ANO10: variants seen among roughly 807,000 people sequenced by gnomAD.
ANO10 encodes the protein anoctamin 10, also known as anoctamin-10.
Under a neutral mutation model 74.7 loss-of-function variants are expected in ANO10, and 77 were observed. That is an observed-to-expected ratio of 1.03 (90% confidence interval 0.86 to 1.25). The LOEUF (loss-of-function observed/expected upper bound fraction) is 1.25. Ranked by LOEUF, ANO10 falls within the 50% of genes most tolerant of loss-of-function variation. The pLI is 0.00. For missense variants in ANO10, 721 were observed against 778.1 expected (o/e 0.93, Z 0.87); for synonymous variants, 279 against 284.9 (o/e 0.98, Z 0.21).
At chr3:43,509,662 C>G (rs1028015592) in intron 11 of ANO10, among the ~76,000 whole-genome samples, 1 of 152,170 alleles carries the variant, frequency 6.6e-6, no homozygotes, top group Non-Finnish European at 1.5e-5. Context: ...ACTCAACATG[C>G]AATTACCATT....
At chr3:43,660,463 T>C (rs1359645908) in intron 1 of ANO10, among the ~76,000 whole-genome samples, 1 of 151,936 alleles carries the variant, frequency 6.6e-6, no homozygotes, top group Non-Finnish European at 1.5e-5. Flanking sequence ...CAAGCTTCAA[T>C]AGCCTATTCG....
chr3:43,435,093 C>T (rs2093047203), intron 11 of ANO10, among the ~76,000 whole-genome samples: 1 of 152,138 alleles, frequency 6.6e-6, no homozygotes, highest in Non-Finnish European at 1.5e-5. Flanking sequence ...TTACATATGC[C>T]CTGCCACGCT....
intron 4 of ANO10, among the ~76,000 whole-genome samples, chr3:43,589,431 A>G (rs1029329162): frequency 3.9e-5 from 6 of 152,130 alleles, no homozygotes; most frequent in Non-Finnish European, 8.8e-5. Context: ...TCACACCTGT[A>G]ATCCCAGCAC....
At chr3:43,588,037 C>T (rs2081556553) in intron 4 of ANO10, among the ~76,000 whole-genome samples, 1 of 152,174 alleles carries the variant, frequency 6.6e-6, no homozygotes, top group East Asian at 1.9e-4. Flanking sequence ...AAACCTAATC[C>T]ACAAACAAAC....
At chr3:43,380,453 A>G (rs1273720323) in intron 12 of ANO10, among the ~76,000 whole-genome samples, 2 of 152,200 alleles carry the variant, frequency 1.3e-5, no homozygotes, top group Non-Finnish European at 1.5e-5. Flanking sequence ...GTAACCTACA[A>G]AGGAACCTAT....
At chr3:43,420,503 CAAAG>C (rs1179112483) in intron 12 of ANO10, among the ~76,000 whole-genome samples, 5 of 150,052 alleles carry the variant, frequency 3.3e-5, no homozygotes, top group Non-Finnish European at 7.4e-5. Context: ...AGGAAAAAGA[CAAAG>C]AAAAAGAAAA....
In ANO10 at chr3:43,519,570, T is replaced by C. The variant is rs528046794; in HGVS notation, c.1797+30150A>G. Among the ~76,000 whole-genome samples the C allele has an allele frequency of 1.9e-4, 29 of 152,274 alleles. No homozygotes were observed. In the South Asian group the frequency reaches 5.6e-3, roughly 29 times the overall value. On this transcript the variant is annotated intron_variant, in intron 11 of 12. Coordinates refer to ENST00000292246, the MANE Select transcript of ANO10 (RefSeq NM_018075.5). ...AATCTAATTCATACATTTGGTTTCA[T>C]TTGGAGCCATTACTTGTTTGCTTGT... is the stretch of plus-strand genomic sequence containing the variant.
intron 1 of ANO10, among the ~76,000 whole-genome samples, chr3:43,617,146 C>T (rs1045346117): frequency 6.9e-5 from 10 of 144,260 alleles, no homozygotes; most frequent in African/African-American, 2.3e-4. Context: ...TGGGAACTTG[C>T]TCTACCATTA....
intron 12 of ANO10, among the ~76,000 whole-genome samples, chr3:43,397,878 A>T (rs2092411588): frequency 1.3e-5 from 2 of 152,084 alleles, no homozygotes; most frequent in South Asian, 4.2e-4. Context: ...ACTGTCCTTC[A>T]CTGCCTGATG....
intron 12 of ANO10, among the ~76,000 whole-genome samples, chr3:43,375,753 C>T (rs1261281322): frequency 2.6e-5 from 4 of 152,106 alleles, no homozygotes; most frequent in African/African-American, 7.2e-5. Flanking sequence ...AGCAACAGGA[C>T]AGTTTATTCC....
chr3:43,555,258 T>C lies in ANO10; in HGVS notation c.1668+20A>G. 7 of 1,611,420 alleles carry C rather than the reference T, an allele frequency of 4.3e-6. No homozygotes were observed. Among genetic ancestry groups the C allele is most frequent in the Non-Finnish European group, 5.9e-6 (7 of 1,177,596 alleles). ...GTATTTTTATTTTTTAAAGGAATAA[T>C]TTTTTTCTCAAACAATTACCTGCCA... On this transcript the variant is annotated intron_variant, in intron 10 of 12. Transcript: ENST00000292246.
intron 1 of ANO10, among the ~76,000 whole-genome samples, chr3:43,664,311 G>A (rs548442494): frequency 1.8e-4 from 27 of 152,234 alleles, no homozygotes; most frequent in African/African-American, 5.8e-4. Context: ...GTGGTGTTGG[G>A]AAAACTGGCT....
At chr3:43,548,056 A>C (rs544719974) in intron 11 of ANO10, among the ~76,000 whole-genome samples, 1 of 152,322 alleles carries the variant, frequency 6.6e-6, no homozygotes, top group Non-Finnish European at 1.5e-5. Flanking sequence ...TTTACCAAGA[A>C]ATCTTCTAAT....
At chr3:43,540,130 T>C (rs777512955) in intron 11 of ANO10, among the ~76,000 whole-genome samples, 3 of 152,232 alleles carry the variant, frequency 2.0e-5, no homozygotes, top group East Asian at 1.9e-4. Flanking sequence ...GATGACACAA[T>C]TGGGGCCAAT....
At position 43,583,237 on chromosome 3, in the gene ANO10, G is replaced by GT. The variant is rs1352383345; in HGVS notation, c.473-2766_473-2765insA. 6.0e-5 allele frequency among the ~76,000 whole-genome samples: 9 copies of GT among 151,198 alleles called. No homozygotes were observed. The East Asian group carries it at 7.8e-4, about 13-fold the overall frequency. ...TTCTAAAAATAGAAGTTTGCTTTTT[G>GT]GTTTTTTTTTTTTAATCCTTCAAAC... is the stretch of plus-strand genomic sequence containing the variant. On this transcript the variant is annotated intron_variant, in intron 4 of 12. Transcript: ENST00000292246.
At chr3:43,686,262 C>A (rs2084273410) in intron 1 of ANO10, among the ~76,000 whole-genome samples, 1 of 152,134 alleles carries the variant, frequency 6.6e-6, no homozygotes, top group African/African-American at 2.4e-5. Context: ...TAGAAGGGAC[C>A]TCAAGAATTG....
At chr3:43,573,430 T>C (rs969913974) in intron 7 of ANO10, among the ~76,000 whole-genome samples, 4 of 152,224 alleles carry the variant, frequency 2.6e-5, no homozygotes, top group Admixed American at 2.6e-4. Flanking sequence ...TCTGATTTTT[T>C]AAGGACCGAA....
In ANO10 at chr3:43,644,490, G is replaced by C. The variant is rs140917077; in HGVS notation, c.-11-38627C>G. Among the ~76,000 whole-genome samples, 71 of 152,272 alleles carry C rather than the reference G, an allele frequency of 4.7e-4. 2 individuals are homozygous for C. The highest frequency in any genetic ancestry group is 1.7e-3 in the African/African-American group (69 of 41,544). On this transcript the variant is annotated intron_variant, in intron 1 of 3. Coordinates refer to the ANO10 transcript ENST00000413397. ...CCTGGAACAGAGAGGAACAATGCAC[G>C]CACAGTGTGTCTGTGCTGTCCTCCA...
chr3:43,549,571 T>G (rs2079360104), intron 11 of ANO10, 149 bp downstream of exon 11: 2 of 848,040 alleles, frequency 2.4e-6, no homozygotes, highest in Non-Finnish European at 3.9e-6. Context: ...TGAATCCTCA[T>G]GTTTTCTATT....
Sources: gnomAD v4.1 joint callset for allele counts (sites outside exome capture counted in the v4.1 genomes callset) on GRCh38, gnomAD v4.1.1 for gene constraint, MANE v1.5 for transcripts, NCBI Gene and HGNC (gene_info 2026-07-23, HGNC 2026-07-21) for gene names.